MRAP2: variants seen among roughly 807,000 people sequenced by gnomAD.
The protein encoded by MRAP2 is melanocortin-2 receptor accessory protein 2.
Under a neutral mutation model 17.4 loss-of-function variants are expected in MRAP2, and 20 were observed. The observed-to-expected ratio is 1.15, with a 90% CI of 0.81 to 1.67. The LOEUF (loss-of-function observed/expected upper bound fraction) is 1.67, where lower values mean the gene tolerates loss of function less well. MRAP2 is among the 40% of genes most tolerant of loss of function. The probability of loss-of-function intolerance (pLI) is 0.00; values close to 1 mark genes in which losing one functional copy is unlikely to be tolerated. For missense variants in MRAP2, 238 were observed against 240.0 expected, an observed-to-expected ratio of 0.99 and a Z score of 0.05; for synonymous variants, 96 against 88.4, an observed-to-expected ratio of 1.09 and a Z score of -0.48.
chr6:84,053,620 G>A (rs772307660), intron 1 of MRAP2, among the ~76,000 whole-genome samples: 31 of 152,324 alleles, frequency 2.0e-4, no homozygotes, highest in Middle Eastern at 3.4e-3. Flanking sequence ...AGAACAAAGC[G>A]AGGCTTTTCT....
chr6:84,076,532 G>A (rs2099497669), intron 3 of MRAP2, among the ~76,000 whole-genome samples: 1 of 152,032 alleles, frequency 6.6e-6, no homozygotes, highest in Non-Finnish European at 1.5e-5. Context: ...CCTAATTTTT[G>A]TATTTTTAGT....
At position 84,068,964 on chromosome 6, in the gene MRAP2, C is replaced by T. The variant is rs181278188; in HGVS notation, c.227+5972C>T. ...GATTATAGGCATGAGCCACTGTGCC[C>T]GGCCTGCTGAATTCTTTTATCAGTT... is the stretch of plus-strand genomic sequence containing the variant. On this transcript the variant is annotated intron_variant, in intron 3 of 3. Coordinates refer to ENST00000257776, the MANE Select transcript of MRAP2 (RefSeq NM_138409.4). 1.0e-3 allele frequency among the ~76,000 whole-genome samples: 158 copies of T among 151,620 alleles called. 2 individuals carry two copies. Among genetic ancestry groups the T allele is most frequent in the Non-Finnish European group, 3.5e-4 (24 of 67,882 alleles).
rs1562895765 is a variant in MRAP2, at chr6:84,090,773, GCA to G, written c.*1297_*1298del. ...TGGTATTAAAACAACTTGATTTTGCGCACACAGTTGCATGCATGGCAAGCTGT... is the reference window on the plus strand; with the variant it reads ...TGGTATTAAAACAACTTGATTTTGCGCACAGTTGCATGCATGGCAAGCTGT... On this transcript the variant is annotated 3_prime_UTR_variant, in exon 4 of 4. Transcript: ENST00000257776. The G allele has an allele frequency of 1.3e-5, 2 of 152,152 alleles. No homozygotes were observed. The highest frequency in any genetic ancestry group is 4.2e-4 in the South Asian group (2 of 4,812). The allele number at this position is 152,152 out of a possible 1,614,324, so 9.4% of individuals were successfully genotyped here. A position where few individuals can be genotyped will look rare whatever the true frequency, so the allele number is the denominator to read the frequency against.
the MRAP2 span, among the ~76,000 whole-genome samples, chr6:84,105,410 A>C: frequency 6.6e-6 from 1 of 152,202 alleles, no homozygotes; most frequent in South Asian, 2.1e-4. Context: ...GACAGCAGGC[A>C]AAGAGAGAGA....
the MRAP2 span, among the ~76,000 whole-genome samples, chr6:84,130,071 C>T: frequency 2.5e-4 from 38 of 152,148 alleles, 1 homozygote; most frequent in South Asian, 6.0e-3. Flanking sequence ...TTAGCATGAA[C>T]GGCTGTTGAA....
intron 3 of MRAP2, among the ~76,000 whole-genome samples, chr6:84,084,519 A>G (rs1045382342): frequency 4.6e-5 from 7 of 152,216 alleles, no homozygotes; most frequent in Admixed American, 4.6e-4. Context: ...AGGTGTCTAA[A>G]TTGTTGGTTT....
chr6:84,073,410 G>A (rs1215073477), intron 3 of MRAP2, among the ~76,000 whole-genome samples: 1 of 152,216 alleles, frequency 6.6e-6, no homozygotes, highest in Non-Finnish European at 1.5e-5. Flanking sequence ...CACTTCTGCA[G>A]TTGGGGCACC....
chr6:84,082,879 G>A (rs2099499351), intron 3 of MRAP2, among the ~76,000 whole-genome samples: 1 of 151,644 alleles, frequency 6.6e-6, no homozygotes, highest in Non-Finnish European at 1.5e-5. Flanking sequence ...ACAGTACCAG[G>A]CTTATCAGTA....
intron 3 of MRAP2, among the ~76,000 whole-genome samples, chr6:84,079,907 A>G (rs1212071036): frequency 3.9e-5 from 6 of 152,174 alleles, no homozygotes; most frequent in Non-Finnish European, 7.3e-5. Context: ...TAAGACTGAG[A>G]TGGCCTTTGT....
At chr6:84,124,719 G>A in the MRAP2 span, 1 of 283,456 alleles carries the variant, frequency 3.5e-6, no homozygotes, top group Non-Finnish European at 6.6e-6. Flanking sequence ...TGTACCCCCT[G>A]GATCTAAAAT....
the MRAP2 span, among the ~76,000 whole-genome samples, chr6:84,120,598 T>C: frequency 1.3e-5 from 2 of 152,190 alleles, no homozygotes; most frequent in Non-Finnish European, 2.9e-5. Context: ...CTGCCATGTA[T>C]ATAGCTTATT....
chr6:84,102,034 T>C, the MRAP2 span, among the ~76,000 whole-genome samples: 2 of 151,058 alleles, frequency 1.3e-5, no homozygotes, highest in African/African-American at 4.8e-5. Context: ...CATTAGATCT[T>C]GGATATATAT....
At position 84,046,060 on chromosome 6, in the gene MRAP2, A is replaced by G. The variant is rs111608012; in HGVS notation, c.-7-9252A>G. 6.4e-3 allele frequency among the ~76,000 whole-genome samples: 969 copies of G among 152,312 alleles called. 17 individuals are homozygous for G. Among genetic ancestry groups the G allele is most frequent in the African/African-American group, 0.022 (906 of 41,582 alleles). ...CAGAGGCAGTGTGATGTGAACCGCC[A>G]TGGAAGTGTCTGCTTGCTGTGAAAA... On this transcript the variant is annotated intron_variant, in intron 1 of 3. Coordinates refer to ENST00000257776, the MANE Select transcript of MRAP2 (RefSeq NM_138409.4).
the MRAP2 span, among the ~76,000 whole-genome samples, chr6:84,129,232 G>C: frequency 6.6e-6 from 1 of 152,132 alleles, no homozygotes; most frequent in Admixed American, 6.5e-5. Flanking sequence ...GGGTCAAATG[G>C]TATTTCTAGT....
chr6:84,060,702 T>A (rs537866656), intron 2 of MRAP2, among the ~76,000 whole-genome samples: 2 of 151,866 alleles, frequency 1.3e-5, no homozygotes, highest in Non-Finnish European at 2.9e-5. Flanking sequence ...TTTTTTTTTT[T>A]TGAGACGGAG....
chr6:84,035,607 C>T (rs57141855), intron 1 of MRAP2: 4,192 of 167,764 alleles, frequency 0.025, 157 homozygotes, highest in African/African-American at 0.085. Flanking sequence ...GTGAAGCGCG[C>T]GCTGGTGATG....
chr6:84,127,547 CTG>C, the MRAP2 span, among the ~76,000 whole-genome samples: 2 of 152,028 alleles, frequency 1.3e-5, no homozygotes, highest in African/African-American at 4.8e-5. Flanking sequence ...GGCATAAAAA[CTG>C]TATGTGTTAA....
At chr6:84,110,269 A>G in the MRAP2 span, among the ~76,000 whole-genome samples, 1,061 of 152,286 alleles carry the variant, frequency 7.0e-3, 10 homozygotes, top group African/African-American at 0.024. Context: ...CTGACTTTTC[A>G]ATGATCACCA....
chr6:84,079,951 T>C (rs1046255513), intron 3 of MRAP2, among the ~76,000 whole-genome samples: 2 of 152,180 alleles, frequency 1.3e-5, no homozygotes, highest in African/African-American at 4.8e-5. Context: ...TCTTTTGTGA[T>C]GATTCTTATT....
Sources: allele counts gnomAD v4.1 joint callset (sites outside exome capture counted in the v4.1 genomes callset), GRCh38; gene constraint gnomAD v4.1.1; transcripts MANE v1.5; gene names NCBI Gene and HGNC (gene_info 2026-07-23, HGNC 2026-07-21).